Variants in RBFOX1 observed in about 807,000 individuals in gnomAD.
RBFOX1 encodes RNA binding fox-1 homolog 1, also known as RNA binding protein fox-1 homolog 1.
In RBFOX1, 8 loss-of-function variants were observed where a neutral mutation model predicts 57.7. That is an observed-to-expected ratio of 0.14 (90% CI 0.08 to 0.25). The LOEUF (loss-of-function observed/expected upper bound fraction) is 0.25, where lower values mean the gene tolerates loss of function less well. Ranked by LOEUF, RBFOX1 falls within the 10% of genes least tolerant of loss-of-function variation. RBFOX1 has a pLI of 1.00. For missense variants in RBFOX1, 611 were observed against 548.5 expected (o/e 1.11, Z -1.14); for synonymous variants, 326 against 222.4 (o/e 1.47, Z -4.15).
At chr16:7,300,616 A>AC (rs1555683374) in intron 4 of RBFOX1, among the ~76,000 whole-genome samples, 8 of 151,546 alleles carry the variant, frequency 5.3e-5, no homozygotes, top group African/African-American at 1.7e-4. Flanking sequence ...TATAGAAAGT[A>AC]TTTTTTTTAG....
chr16:7,219,182 C>T (rs528386757), intron 4 of RBFOX1, among the ~76,000 whole-genome samples: 6 of 152,272 alleles, frequency 3.9e-5, no homozygotes, highest in Admixed American at 3.9e-4. Context: ...ATGGAAGTTT[C>T]ATACACATTG....
intron 4 of RBFOX1, among the ~76,000 whole-genome samples, chr16:7,284,829 A>C (rs991962361): frequency 6.6e-6 from 1 of 152,200 alleles, no homozygotes; most frequent in Non-Finnish European, 1.5e-5. Context: ...TTAGAGCTTT[A>C]AGATGGCCCC....
chr16:6,543,638 A>T (rs571635753), intron 2 of RBFOX1, among the ~76,000 whole-genome samples: 2 of 152,102 alleles, frequency 1.3e-5, no homozygotes, highest in South Asian at 4.1e-4. Flanking sequence ...GGTCTGGAAG[A>T]TTTTTGCCTG....
intron 3 of RBFOX1, among the ~76,000 whole-genome samples, chr16:6,814,170 C>T (rs138520696): frequency 6.7e-5 from 10 of 148,506 alleles, no homozygotes; most frequent in African/African-American, 2.5e-4. Context: ...AGCCAATATT[C>T]TGAGATCTCA....
chr16:6,902,695 C>G (rs976049307), intron 3 of RBFOX1, among the ~76,000 whole-genome samples: 1 of 152,286 alleles, frequency 6.6e-6, no homozygotes, highest in East Asian at 1.9e-4. Flanking sequence ...GCACTCCGGT[C>G]AGGGTGACAA....
At chr16:6,063,637 T>C (rs1357437676) in intron 1 of RBFOX1, among the ~76,000 whole-genome samples, 1 of 152,168 alleles carries the variant, frequency 6.6e-6, no homozygotes, top group African/African-American at 2.4e-5. Context: ...ATTATCAAGC[T>C]TACCATTTAT....
chr16:6,256,167 A>ATG lies in RBFOX1; in HGVS notation c.-126-60827_-126-60826insGT, dbSNP rs1484648528. ...TGTATATATATATATATGTATATATATATGTATATATATATATACGTATAT... is the reference window on the plus strand; with the variant it reads ...TGTATATATATATATATGTATATATATGTATGTATATATATATATACGTATAT... On this transcript the variant is annotated intron_variant, in intron 1 of 15. Transcript: ENST00000550418. Among the ~76,000 whole-genome samples the ATG allele has an allele frequency of 1.9e-3, 25 of 13,090 alleles. 1 individual carries two copies. Among genetic ancestry groups the ATG allele is most frequent in the South Asian group, 6.9e-3 (1 of 144 alleles). The allele number at this position is 13,090 out of a possible 152,430, so 8.6% of individuals were successfully genotyped here. A position where few individuals can be genotyped will look rare whatever the true frequency, so the allele number is the denominator to read the frequency against.
At chr16:6,122,386 A>G (rs1017419685) in intron 1 of RBFOX1, among the ~76,000 whole-genome samples, 5 of 150,930 alleles carry the variant, frequency 3.3e-5, no homozygotes, top group South Asian at 2.1e-4. Flanking sequence ...ACACACACAC[A>G]CACACACACA....
chr16:5,634,446 A>G (rs1051289935), intron 3 of RBFOX1, among the ~76,000 whole-genome samples: 2 of 152,228 alleles, frequency 1.3e-5, no homozygotes, highest in African/African-American at 2.4e-5. Flanking sequence ...CTAATTAATC[A>G]TTTTAAATTG....
chr16:5,517,936 G>A (rs912345493), intron 2 of RBFOX1, among the ~76,000 whole-genome samples: 9 of 150,548 alleles, frequency 6.0e-5, no homozygotes, highest in Admixed American at 4.0e-4. Flanking sequence ...GCTACTGTGT[G>A]TGTGTGTGTG....
chr16:7,088,377 G>C (rs1015476623), intron 4 of RBFOX1, among the ~76,000 whole-genome samples: 4 of 152,084 alleles, frequency 2.6e-5, no homozygotes, highest in Non-Finnish European at 5.9e-5. Flanking sequence ...TTGTCATTTT[G>C]GGGTTGAGTG....
chr16:5,798,788 G>T (rs1211410379), intron 3 of RBFOX1, among the ~76,000 whole-genome samples: 1 of 152,150 alleles, frequency 6.6e-6, no homozygotes, highest in Non-Finnish European at 1.5e-5. Context: ...TATGAACCAG[G>T]GGTCTGAGCT....
intron 2 of RBFOX1, among the ~76,000 whole-genome samples, chr16:6,628,658 T>C (rs1349398359): frequency 2.6e-5 from 4 of 152,200 alleles, no homozygotes; most frequent in Admixed American, 2.0e-4. Context: ...TTTGTGGTCT[T>C]TTATTTTTCT....
chr16:7,422,509 T>A (rs1478107165), intron 4 of RBFOX1, among the ~76,000 whole-genome samples: 1 of 152,164 alleles, frequency 6.6e-6, no homozygotes, highest in Non-Finnish European at 1.5e-5. Flanking sequence ...TGGAATTGCT[T>A]GCACTCCGTG....
intron 3 of RBFOX1, among the ~76,000 whole-genome samples, chr16:6,725,554 CCT>C (rs1177279691): frequency 2.0e-5 from 3 of 152,116 alleles, no homozygotes; most frequent in Non-Finnish European, 4.4e-5. Flanking sequence ...TAATCCACCC[CCT>C]GTTTAGCATA....
intron 4 of RBFOX1, among the ~76,000 whole-genome samples, chr16:7,491,615 C>G (rs2067007346): frequency 6.6e-6 from 1 of 151,764 alleles, no homozygotes; most frequent in South Asian, 2.1e-4. Context: ...AGGAACATGC[C>G]TCATTTGGGC....
intron 4 of RBFOX1, among the ~76,000 whole-genome samples, chr16:7,471,936 C>T (rs1202895084): frequency 1.3e-5 from 2 of 152,140 alleles, no homozygotes; most frequent in Non-Finnish European, 2.9e-5. Flanking sequence ...CACCGTTCAA[C>T]ACGGGCTGAA....
At chr16:7,340,565 C>T (rs190723175) in intron 4 of RBFOX1, among the ~76,000 whole-genome samples, 3 of 152,134 alleles carry the variant, frequency 2.0e-5, no homozygotes, top group African/African-American at 7.2e-5. Flanking sequence ...CAAGACAGTC[C>T]AACCAGGACA....
At chr16:5,950,781 T>TC (rs2059504080) in intron 4 of RBFOX1, among the ~76,000 whole-genome samples, 1 of 152,088 alleles carries the variant, frequency 6.6e-6, no homozygotes, top group African/African-American at 2.4e-5. Context: ...TGCTTTTTTT[T>TC]CCCTTGAGGG....
Sources: allele counts gnomAD v4.1 joint callset (sites outside exome capture counted in the v4.1 genomes callset), GRCh38; gene constraint gnomAD v4.1.1; transcripts MANE v1.5; gene names NCBI Gene and HGNC (gene_info 2026-07-23, HGNC 2026-07-21).